Variants in SV2B observed in about 807,000 individuals in gnomAD.
SV2B encodes solute carrier family 22 member B2.
Under a neutral mutation model 73.9 loss-of-function variants are expected in SV2B, and 41 were observed. That is an observed-to-expected ratio of 0.56 (90% CI 0.43 to 0.72). The LOEUF (loss-of-function observed/expected upper bound fraction) is 0.72, where lower values mean the gene tolerates loss of function less well. Ranked by LOEUF, SV2B falls within the 30% of genes least tolerant of loss-of-function variation. The pLI, the probability that SV2B is intolerant of heterozygous loss-of-function variation, is 0.00. For synonymous variants in SV2B, 314 were observed against 314.2 expected, an observed-to-expected ratio of 1.00 and a Z score of 0.01; for missense variants, 764 against 857.8, an observed-to-expected ratio of 0.89 and a Z score of 1.37.
Position 91,232,760 on chromosome 15 carries a change from G to A in SV2B, c.451+6046G>A, listed in dbSNP as rs1204415343. 1.3e-5 allele frequency among the ~76,000 whole-genome samples: 2 copies of A among 152,148 alleles called. No homozygotes were observed. Among genetic ancestry groups the A allele is most frequent in the Non-Finnish European group, 2.9e-5 (2 of 68,032 alleles). On this transcript the variant is annotated intron_variant, in intron 2 of 12. Transcript: ENST00000394232. The surrounding 1 kb of genome is among the most constrained non-coding windows in gnomAD (Gnocchi z 4.7). ...TATTTTAGATTCAGTGGGTACATGT[G>A]CAGGTTTGTTACATAGATATATTGT...
intron 1 of SV2B, among the ~76,000 whole-genome samples, chr15:91,114,303 G>A (rs1388330775): frequency 6.6e-6 from 1 of 152,094 alleles, no homozygotes; most frequent in African/African-American, 2.4e-5. Context: ...ACCTTGAGGT[G>A]CTGGGAGGGT....
rs905888694 is a variant in SV2B, at chr15:91,231,566, C to T, written c.451+4852C>T. ...CCAACCTATAGGATGACAATATTGG[C>T]GACACGTAAGGCAAACCAACCCCAT... On this transcript the variant is annotated intron_variant, in intron 2 of 12. Transcript: ENST00000394232. The surrounding 1 kb of genome is among the most constrained non-coding windows in gnomAD (Gnocchi z 4.5). Among the ~76,000 whole-genome samples, 8 of 151,928 alleles carry T rather than the reference C, an allele frequency of 5.3e-5. No individual in the cohort carries two copies. Among genetic ancestry groups the T allele is most frequent in the Non-Finnish European group, 7.4e-5 (5 of 67,974 alleles).
Position 91,242,076 on chromosome 15 carries a change from G to C in SV2B, c.452-9743G>C, listed in dbSNP as rs542925760. ...GTTCAGCAGTCAGCTCTCATCCTCA[G>C]CTTATTCACCTGTTCACAGCAACTC... On this transcript the variant is annotated intron_variant, in intron 2 of 12. Transcript: ENST00000394232. This position sits in a 1 kb window ranked among gnomAD's most constrained non-coding sequence, Gnocchi z 4.9. 1.1e-4 allele frequency among the ~76,000 whole-genome samples: 17 copies of C among 152,266 alleles called. No individual in the cohort carries two copies. The South Asian group carries it at 3.3e-3, about 30-fold the overall frequency.
At chr15:91,199,509 G>A (rs1017302653) in intron 1 of SV2B, among the ~76,000 whole-genome samples, 21 of 152,212 alleles carry the variant, frequency 1.4e-4, no homozygotes, top group African/African-American at 4.6e-4. Context: ...GTTAAATGCC[G>A]CTTTGCTAAA....
chr15:91,272,674 A>C (rs994915446), intron 9 of SV2B, among the ~76,000 whole-genome samples: 1 of 152,098 alleles, frequency 6.6e-6, no homozygotes, highest in Non-Finnish European at 1.5e-5. Flanking sequence ...TTTAGCTCTA[A>C]AATGAGGCCG....
intron 1 of SV2B, among the ~76,000 whole-genome samples, chr15:91,193,215 C>T (rs151154680): frequency 5.3e-5 from 8 of 152,214 alleles, no homozygotes; most frequent in African/African-American, 1.7e-4. Flanking sequence ...CTGCAAGTGC[C>T]GCAGGAGGAG....
Position 91,258,942 on chromosome 15 carries a change from A to T in SV2B, c.918+388A>T. ...TCTCTACAAAAAAAAAAAAAAAAAA[A>T]TTAGTTGAGCGATTTGGTGCGTGCA... On this transcript the variant is annotated intron_variant, in intron 5 of 12. Transcript: ENST00000394232. The surrounding 1 kb of genome is among the most constrained non-coding windows in gnomAD (Gnocchi z 4.7). 6.9e-6 allele frequency among the ~76,000 whole-genome samples: 1 copy of T among 145,180 alleles called. No individual in the cohort carries two copies. The highest frequency in any genetic ancestry group is 1.5e-5 in the Non-Finnish European group (1 of 66,400).
chr15:91,291,209 A>G (rs2049028385), intron 12 of SV2B, among the ~76,000 whole-genome samples: 1 of 151,498 alleles, frequency 6.6e-6, no homozygotes, highest in South Asian at 2.1e-4. Flanking sequence ...AACATAAAAT[A>G]ATTCATTCAA....
chr15:91,149,810 T>A (rs1251793821), intron 1 of SV2B, among the ~76,000 whole-genome samples: 2 of 152,158 alleles, frequency 1.3e-5, no homozygotes, highest in African/African-American at 4.8e-5. Flanking sequence ...TGGTACCTGT[T>A]CCATGATACT....
At position 91,130,980 on chromosome 15, in the gene SV2B, G is replaced by T. The variant is rs1170078526; in HGVS notation, c.-392+30617G>T. Reference sequence around the variant, plus strand: ...ATGGGAGGGTGTGGGGCTGAGAGCAGTCGGGGGTTAGCCTTAGAAAAGGGT... The same window carrying T: ...ATGGGAGGGTGTGGGGCTGAGAGCATTCGGGGGTTAGCCTTAGAAAAGGGT... On this transcript the variant is annotated intron_variant, in intron 1 of 12. Transcript: ENST00000394232. The surrounding 1 kb of genome is among the most constrained non-coding windows in gnomAD (Gnocchi z 5.6). Among the ~76,000 whole-genome samples the T allele has an allele frequency of 6.6e-6, 1 of 152,018 alleles. No individual in the cohort carries two copies. Among genetic ancestry groups the T allele is most frequent in the Non-Finnish European group, 1.5e-5 (1 of 67,988 alleles).
Position 91,226,736 on chromosome 15 carries a change from T to C in SV2B, c.451+22T>C, listed in dbSNP as rs748269205. On this transcript the variant is annotated intron_variant, in intron 2 of 12. Coordinates refer to ENST00000394232, the MANE Select transcript of SV2B (RefSeq NM_001323032.3). ...CTAGGTAAGTGGAAATTTCCAATGA[T>C]CCCTCCAATGAAAGGGAAGGAGAAG... The C allele has an allele frequency of 2.5e-6, 4 of 1,594,330 alleles. No individual in the cohort carries two copies. In the Admixed American group the frequency reaches 7.0e-5, roughly 28 times the overall value.
At chr15:91,273,543 T>C (rs990642161) in intron 9 of SV2B, among the ~76,000 whole-genome samples, 3 of 152,198 alleles carry the variant, frequency 2.0e-5, no homozygotes, top group Admixed American at 6.6e-5. Flanking sequence ...AAGACCCCTG[T>C]TGAGTTTTGG....
Position 91,281,640 on chromosome 15 carries a change from C to T in SV2B, c.1374-88C>T. 1 of 1,463,106 alleles carries T rather than the reference C, an allele frequency of 6.8e-7. No homozygotes were observed. Among genetic ancestry groups the T allele is most frequent in the Non-Finnish European group, 9.2e-7 (1 of 1,088,884 alleles). 90.6% of individuals were successfully genotyped at this position (1,463,106 alleles called of 1,614,324 possible). On this transcript the variant is annotated intron_variant, in intron 9 of 12. Transcript: ENST00000394232. The surrounding 1 kb of genome is among the most constrained non-coding windows in gnomAD (Gnocchi z 4.7). ...CTGGCACCTTTTGCTTGCACATCTC[C>T]TTTTTCTGCCTTGCTGTGTTTTCCA...
intron 1 of SV2B, among the ~76,000 whole-genome samples, chr15:91,209,457 C>T (rs1047769109): frequency 2.6e-5 from 4 of 152,038 alleles, no homozygotes; most frequent in Admixed American, 6.6e-5. Flanking sequence ...GCAGAGTTTT[C>T]GAGTGTTGAC....
At chr15:91,200,403 G>A (rs995508229) in intron 1 of SV2B, among the ~76,000 whole-genome samples, 3 of 152,182 alleles carry the variant, frequency 2.0e-5, no homozygotes, top group African/African-American at 7.2e-5. Flanking sequence ...TATCCCTGTT[G>A]ATTACTTTTT....
intron 6 of SV2B, among the ~76,000 whole-genome samples, chr15:91,263,904 T>C (rs2048014618): frequency 6.6e-6 from 1 of 152,244 alleles, no homozygotes; most frequent in Non-Finnish European, 1.5e-5. Flanking sequence ...AAACAGTTCC[T>C]CCTTGCTTAT....
rs1369608543 is a variant in SV2B, at chr15:91,231,825, G to A, written c.451+5111G>A. 6.6e-6 allele frequency among the ~76,000 whole-genome samples: 1 copy of A among 152,166 alleles called. No individual in the cohort carries two copies. The highest frequency in any genetic ancestry group is 1.5e-5 in the Non-Finnish European group (1 of 68,032). On this transcript the variant is annotated intron_variant, in intron 2 of 12. Coordinates refer to ENST00000394232, the MANE Select transcript of SV2B (RefSeq NM_001323032.3). The surrounding 1 kb of genome is among the most constrained non-coding windows in gnomAD (Gnocchi z 4.5). ...CGTCTGCAGTGAAAAGACTCTGGGAGTTATACCTTTCAGAAAGTGATTTAG... is the reference window on the plus strand; with the variant it reads ...CGTCTGCAGTGAAAAGACTCTGGGAATTATACCTTTCAGAAAGTGATTTAG...
intron 1 of SV2B, among the ~76,000 whole-genome samples, chr15:91,127,763 A>C (rs770426740): frequency 6.6e-6 from 1 of 152,140 alleles, no homozygotes; most frequent in Non-Finnish European, 1.5e-5. Context: ...GAGCTTCAGC[A>C]TGCTGCCTCC....
At position 91,286,520 on chromosome 15, in the gene SV2B, A is replaced by T. The variant is rs115649541; in HGVS notation, c.1708+2299A>T. On this transcript the variant is annotated intron_variant, in intron 11 of 12. Transcript: ENST00000394232. Reference sequence around the variant, plus strand: ...GAATGCAACAGTAATTGAGACAGACAGTATCCCTGTGCTTAAGGCGCAAAT... The same window carrying T: ...GAATGCAACAGTAATTGAGACAGACTGTATCCCTGTGCTTAAGGCGCAAAT... 7.1e-3 allele frequency among the ~76,000 whole-genome samples: 1,077 copies of T among 152,354 alleles called. 23 individuals are homozygous for T. Among genetic ancestry groups the T allele is most frequent in the African/African-American group, 0.024 (1,006 of 41,570 alleles).
Sources: allele counts gnomAD v4.1 joint callset (sites outside exome capture counted in the v4.1 genomes callset), GRCh38; gene constraint gnomAD v4.1.1; non-coding constraint Gnocchi (gnomAD v3.1); transcripts MANE v1.5; gene names NCBI Gene and HGNC (gene_info 2026-07-23, HGNC 2026-07-21).